ADGRB1: variants seen among roughly 807,000 people sequenced by gnomAD.
ADGRB1 encodes brain-specific angiogenesis inhibitor 1.
A neutral mutation model predicts 175.7 loss-of-function variants in ADGRB1; 36 were observed. The ratio of observed to expected loss-of-function variants is 0.20; its 90% CI spans 0.16 to 0.27. The LOEUF is 0.27. ADGRB1 is among the 10% of genes least tolerant of loss of function. The pLI is 1.00. For missense variants in ADGRB1, 1,731 were observed against 2,255.3 expected, an observed-to-expected ratio of 0.77 and a Z score of 4.71; for synonymous variants, 1,054 against 979.4, an observed-to-expected ratio of 1.08 and a Z score of -1.42.
intron 16 of ADGRB1, among the ~76,000 whole-genome samples, 190 bp downstream of exon 16, chr8:142,489,628 C>T (rs935115711): frequency 2.0e-4 from 31 of 152,164 alleles, no homozygotes; most frequent in African/African-American, 7.2e-4. Context: ...CGGGGTCACA[C>T]AGCAAGTGAG....
At chr8:142,527,537 G>A (rs1439045031) in intron 24 of ADGRB1, among the ~76,000 whole-genome samples, 4 of 152,104 alleles carry the variant, frequency 2.6e-5, no homozygotes, top group Non-Finnish European at 5.9e-5. Flanking sequence ...TGCTGAGTGC[G>A]TGCCATGGCC....
At chr8:142,457,230 G>A (rs566649328) in intron 1 of ADGRB1, among the ~76,000 whole-genome samples, 2 of 152,316 alleles carry the variant, frequency 1.3e-5, no homozygotes, top group Admixed American at 6.5e-5. Flanking sequence ...ACTAGGAGCC[G>A]GTCGGTCCCT....
In ADGRB1 at chr8:142,492,882, G is replaced by T. The variant is rs906430792; in HGVS notation, c.2675+2067G>T. Reference sequence around the variant, plus strand: ...CCCCACAGCCCCAGCACTTCCACCAGCACAGGCCCCTCCCCACAGTGCAGA... The same window carrying T: ...CCCCACAGCCCCAGCACTTCCACCATCACAGGCCCCTCCCCACAGTGCAGA... On this transcript the variant is annotated intron_variant, in intron 17 of 30. Coordinates refer to ENST00000517894, the MANE Select transcript of ADGRB1 (RefSeq NM_001702.3). This position sits in a 1 kb window ranked among gnomAD's most constrained non-coding sequence, Gnocchi z 4.4. Among the ~76,000 whole-genome samples the T allele has an allele frequency of 1.3e-5, 2 of 152,094 alleles. No homozygotes were observed. The highest frequency in any genetic ancestry group is 2.9e-5 in the Non-Finnish European group (2 of 67,992).
At chr8:142,469,450 CGTGAAT>C (rs1840488896) in intron 2 of ADGRB1, among the ~76,000 whole-genome samples, 1 of 118,892 alleles carries the variant, frequency 8.4e-6, no homozygotes, top group African/African-American at 3.3e-5. Context: ...TGTGCACGTG[CGTGAAT>C]GTGTGTATGC....
In ADGRB1 at chr8:142,474,163, G is replaced by A. The variant is rs1259418733; in HGVS notation, c.785-1311G>A. 6.6e-6 allele frequency among the ~76,000 whole-genome samples: 1 copy of A among 151,128 alleles called. No homozygotes were observed. The highest frequency in any genetic ancestry group is 6.6e-5 in the Admixed American group (1 of 15,192). On this transcript the variant is annotated intron_variant, in intron 2 of 30. Coordinates refer to ENST00000517894, the MANE Select transcript of ADGRB1 (RefSeq NM_001702.3). The surrounding 1 kb of genome is among the most constrained non-coding windows in gnomAD (Gnocchi z 5.8). ...GTCTCCTGCAGTCCACACTCCCACT[G>A]AGGGAGGCAGGGCCCCTTTCCTGAG...
intron 23 of ADGRB1, among the ~76,000 whole-genome samples, chr8:142,525,341 G>C (rs960155554): frequency 6.6e-6 from 1 of 151,134 alleles, no homozygotes; most frequent in African/African-American, 2.4e-5. Flanking sequence ...TTGTGGGAAA[G>C]GGGACAGAGA....
intron 18 of ADGRB1, among the ~76,000 whole-genome samples, chr8:142,512,634 T>G (rs993949118): frequency 1.3e-5 from 2 of 152,184 alleles, no homozygotes; most frequent in Non-Finnish European, 2.9e-5. Context: ...GGCTCTGCCT[T>G]AAGTCCCTCT....
chr8:142,451,662 C>A (rs1271388987), intron 1 of ADGRB1, among the ~76,000 whole-genome samples: 1 of 152,142 alleles, frequency 6.6e-6, no homozygotes, highest in Non-Finnish European at 1.5e-5. Flanking sequence ...GACACAAACA[C>A]ACGCCCCCTC....
At chr8:142,484,349 C>A (rs1841547555) in intron 12 of ADGRB1, among the ~76,000 whole-genome samples, 1 of 152,182 alleles carries the variant, frequency 6.6e-6, no homozygotes, top group South Asian at 2.1e-4. Context: ...GGGCAGTGGG[C>A]AGTGCTCACT....
chr8:142,469,874 A>G (rs1840554890), intron 2 of ADGRB1, among the ~76,000 whole-genome samples: 1 of 152,232 alleles, frequency 6.6e-6, no homozygotes, highest in Non-Finnish European at 1.5e-5. Flanking sequence ...GAGCAGAGGC[A>G]GAGTTGACCC....
At chr8:142,536,840 G>A in intron 25 of ADGRB1, 147 bp from the exon 26 acceptor site, 1 of 562,350 alleles carries the variant, frequency 1.8e-6, no homozygotes, top group Non-Finnish European at 3.0e-6. Flanking sequence ...CAGCAGACCA[G>A]AGGTGGCCCT....
chr8:142,544,205 C>T lies in ADGRB1; in HGVS notation c.4558-15C>T, dbSNP rs1375843141. 4.5e-6 allele frequency: 7 copies of T among 1,547,964 alleles called. No individual in the cohort carries two copies. The highest frequency in any genetic ancestry group is 1.4e-5 in the African/African-American group (1 of 73,062). ...TCCGGGCCCCACCCCTCCTGCACCA[C>T]GGGCCACCCAGCAGCCGGAAAAGCA... On this transcript the variant is annotated splice_polypyrimidine_tract_variant and intron_variant, in intron 30 of 30. Transcript: ENST00000517894.
intron 17 of ADGRB1, among the ~76,000 whole-genome samples, chr8:142,491,873 C>T (rs543446061): frequency 3.5e-4 from 53 of 152,262 alleles, no homozygotes; most frequent in African/African-American, 1.2e-3. Context: ...CGTTGGAGGA[C>T]AAGGCTGCCT....
Position 142,484,645 on chromosome 8 carries a change from CT to C in ADGRB1, c.2200-10del, listed in dbSNP as rs1841565898. 1.9e-6 allele frequency: 3 copies of C among 1,604,156 alleles called. No individual in the cohort carries two copies. Among genetic ancestry groups the C allele is most frequent in the Non-Finnish European group, 2.6e-6 (3 of 1,176,312 alleles). ...CCTCCTCCCTCGGCTGCTCACCCCC[CT>C]GCCCTCCAGGCGGGCCCCAACGCCA... On this transcript the variant is annotated splice_polypyrimidine_tract_variant and intron_variant, in intron 12 of 30. Transcript: ENST00000517894.
In ADGRB1 at chr8:142,493,545, C is replaced by T. The variant is rs1446263114; in HGVS notation, c.2675+2730C>T. On this transcript the variant is annotated intron_variant, in intron 17 of 30. Transcript: ENST00000517894. This position sits in a 1 kb window ranked among gnomAD's most constrained non-coding sequence, Gnocchi z 5.0. ...GGTGCCTGGGTCCAGGACTTCAGGA[C>T]AGGAGGACAGGAGGCAGGTGCCGGT... is the stretch of plus-strand genomic sequence containing the variant. Among the ~76,000 whole-genome samples the T allele has an allele frequency of 6.6e-6, 1 of 152,232 alleles. No homozygotes were observed. The highest frequency in any genetic ancestry group is 6.5e-5 in the Admixed American group (1 of 15,288).
intron 1 of ADGRB1, among the ~76,000 whole-genome samples, chr8:142,451,694 G>T (rs931086159): frequency 6.6e-6 from 1 of 152,182 alleles, no homozygotes; most frequent in African/African-American, 2.4e-5. Context: ...CGCCGCGGGG[G>T]AACAGCAGAG....
rs1432014905 is a variant in ADGRB1, at chr8:142,543,892, G to A, written c.4557+184G>A. ...TGCCATGCCAGACTCTGGAGGCCAT[G>A]GCCATACTGGGAGCTGAGCGGTCAC... On this transcript the variant is annotated intron_variant, in intron 30 of 30. Transcript: ENST00000517894. This position sits in a 1 kb window ranked among gnomAD's most constrained non-coding sequence, Gnocchi z 4.4. Among the ~76,000 whole-genome samples, 1 of 152,164 alleles carries A rather than the reference G, an allele frequency of 6.6e-6. No individual in the cohort carries two copies. The highest frequency in any genetic ancestry group is 1.5e-5 in the Non-Finnish European group (1 of 68,024).
intron 9 of ADGRB1, among the ~76,000 whole-genome samples, chr8:142,480,214 C>T (rs1841259741): frequency 6.6e-6 from 1 of 152,200 alleles, no homozygotes; most frequent in Non-Finnish European, 1.5e-5. Flanking sequence ...AGGGGCAGGC[C>T]TCCTTTGCTC....
chr8:142,483,808 C>T (rs1841517439), intron 11 of ADGRB1, among the ~76,000 whole-genome samples, 169 bp from the exon 12 acceptor site: 2 of 151,532 alleles, frequency 1.3e-5, no homozygotes, highest in African/African-American at 4.9e-5. Flanking sequence ...CACACTGAAC[C>T]CTGGCTCTGG....
Sources: gnomAD v4.1 joint callset for allele counts (sites outside exome capture counted in the v4.1 genomes callset) on GRCh38, gnomAD v4.1.1 for gene constraint, Gnocchi (gnomAD v3.1) non-coding constraint, MANE v1.5 for transcripts, NCBI Gene and HGNC (gene_info 2026-07-23, HGNC 2026-07-21) for gene names.